DMRTA1: variants seen among roughly 807,000 people sequenced by gnomAD.
DMRTA1 encodes the protein doublesex- and mab-3-related transcription factor A1.
Under a neutral mutation model 35.2 loss-of-function variants are expected in DMRTA1, and 34 were observed. That is an observed-to-expected ratio of 0.97 (90% CI 0.74 to 1.29). The LOEUF is 1.29. Ranked by LOEUF, DMRTA1 falls within the 50% of genes most tolerant of loss-of-function variation. The pLI is 0.00. For missense variants in DMRTA1, 824 were observed against 644.6 expected, an observed-to-expected ratio of 1.28 and a Z score of -3.01; for synonymous variants, 344 against 276.6, an observed-to-expected ratio of 1.24 and a Z score of -2.42.
In DMRTA1 at chr9:22,452,242, G is replaced by T; in HGVS notation, c.*331G>T. 1 of 191,390 alleles carries T rather than the reference G, an allele frequency of 5.2e-6. No individual in the cohort carries two copies. 11.9% of individuals were successfully genotyped at this position (191,390 alleles called of 1,614,324 possible). A position where few individuals can be genotyped will look rare whatever the true frequency, so the allele number is the denominator to read the frequency against. On this transcript the variant is annotated 3_prime_UTR_variant, in exon 2 of 2. Transcript: ENST00000325870. The stretch of plus-strand genomic sequence containing the variant: ...CTAGTTTTTATTTTATTGAAAAGTG[G>T]AATTTTTAGTGATAAAATACATTTG...
At chr9:22,450,996 T>G in intron 1 of DMRTA1, 68 bp from the exon 2 acceptor site, 1 of 1,466,226 alleles carries the variant, frequency 6.8e-7, no homozygotes, top group Non-Finnish European at 9.1e-7. Flanking sequence ...GCATTATTTT[T>G]GAGTGAGCAG....
In DMRTA1 at chr9:22,452,038, C is replaced by T; in HGVS notation, c.*127C>T. On this transcript the variant is annotated 3_prime_UTR_variant, in exon 2 of 2. Coordinates refer to ENST00000325870, the MANE Select transcript of DMRTA1 (RefSeq NM_022160.3). ...GAGTGGATTATGAGGTCTTAAAATG[C>T]TGGGTTTTTTTTTTTTCAAGCAATA... 9.8e-7 allele frequency: 1 copy of T among 1,023,622 alleles called. No individual in the cohort carries two copies. 63.4% of individuals were successfully genotyped at this position (1,023,622 alleles called of 1,614,324 possible).
In DMRTA1 at chr9:22,452,161, A is replaced by C. The variant is rs1818941887; in HGVS notation, c.*250A>C. 1 of 312,756 alleles carries C rather than the reference A, an allele frequency of 3.2e-6. No individual in the cohort carries two copies. The allele number at this position is 312,756 out of a possible 1,614,324, so 19.4% of individuals were successfully genotyped here. A position where few individuals can be genotyped will look rare whatever the true frequency, so the allele number is the denominator to read the frequency against. On this transcript the variant is annotated 3_prime_UTR_variant, in exon 2 of 2. Transcript: ENST00000325870. ...TGCCTTGAATAAAGCTATTTCAGGA[A>C]ATATTTAATGAATTTTCTCCCTAAA...
At position 22,451,451 on chromosome 9, in the gene DMRTA1, G is replaced by A. The variant is rs1818926367; in HGVS notation, c.1055G>A (p.Cys352Tyr). 1.2e-6 allele frequency: 2 copies of A among 1,614,062 alleles called. No homozygotes were observed. Among genetic ancestry groups the A allele is most frequent in the African/African-American group, 2.7e-5 (2 of 74,924 alleles). Residue 352 changes from cysteine (C) to tyrosine (Y), a missense_variant, in exon 2 of 2, where the codon TGC (cysteine) becomes TAC (tyrosine). Physicochemically the swap from Cys to Tyr is radical, Grantham distance 194 (BLOSUM62 -2). Transcript: ENST00000325870. ...CGGCTAGAAGGCATTCTACGGTTCT[G>A]CAAAGGGGATGTGGTCCAAGCCATT... is the stretch of plus-strand genomic sequence containing the variant. Reference protein sequence around the residue: ...RSRLEGILRFCKGDVVQAIEQ... With the variant: ...RSRLEGILRFYKGDVVQAIEQ...
chr9:22,451,872 T>C lies in DMRTA1; in HGVS notation c.1476T>C (p.Cys492=). The C allele has an allele frequency of 6.2e-7, 1 of 1,613,972 alleles. No homozygotes were observed. Residue 492 remains cysteine (C), a synonymous_variant, in exon 2 of 2, where the codon TGT becomes TGC. Transcript: ENST00000325870. ...TTTCCAGTAAAGACTCAATAACTTG[T>C]GGCAGACTGTACTTCAGACCAAATC... is the stretch of plus-strand genomic sequence containing the variant. The part of the protein sequence containing the change: ...SYLSSKDSIT[C]GRLYFRPNQD...
In DMRTA1 at chr9:22,447,573, G is replaced by A. The variant is rs1470336310; in HGVS notation, c.508G>A (p.Gly170Ser). 6.3e-7 allele frequency: 1 copy of A among 1,599,602 alleles called. No individual in the cohort carries two copies. Among genetic ancestry groups the A allele is most frequent in the African/African-American group, 1.3e-5 (1 of 74,514 alleles). Residue 170 changes from glycine to serine, a missense_variant, in exon 1 of 2, where the codon GGT (glycine) becomes AGT (serine). By Grantham distance (56) the Gly-to-Ser change is moderately conservative. Coordinates refer to ENST00000325870, the MANE Select transcript of DMRTA1 (RefSeq NM_022160.3). ...CTCGGGGCTCTCCTGGCCCCCCGGT[G>A]GTCGGGCATCCGGGGGCGGCGGCAG... ...LCSGLSWPPG[G>S]RASGGGGRAE...
rs1818919855 is a variant in DMRTA1, at chr9:22,451,187, G to T, written c.791G>T (p.Gly264Val). The change falls in exon 2 of 2, where the codon GGG becomes GTG. Residue 264 changes from glycine to valine, a missense_variant. Coordinates refer to ENST00000325870, the MANE Select transcript of DMRTA1 (RefSeq NM_022160.3). ...GGTGTCATTGGGAAACAAAGTATCG[G>T]GTCATCTATTTCAGAATACTCCAAC... ...SNGVIGKQSI[G>V]SSISEYSNKP... The T allele has an allele frequency of 6.2e-7, 1 of 1,613,910 alleles. No individual in the cohort carries two copies. Among genetic ancestry groups the T allele is most frequent in the Non-Finnish European group, 8.5e-7 (1 of 1,179,976 alleles).
At position 22,455,338 on chromosome 9, in the gene DMRTA1, T is replaced by C. The variant is rs1163190727; in HGVS notation, c.*3427T>C. 2.0e-5 allele frequency: 3 copies of C among 152,184 alleles called. No homozygotes were observed. Among genetic ancestry groups the C allele is most frequent in the Admixed American group, 6.5e-5 (1 of 15,278 alleles). The allele number at this position is 152,184 out of a possible 1,614,324, so 9.4% of individuals were successfully genotyped here. On this transcript the variant is annotated 3_prime_UTR_variant, in exon 2 of 2. Transcript: ENST00000325870. Reference sequence around the variant, plus strand: ...TATCTATATGACTTGGACAGGTTACTTATACTCTTTGGACATTTATTTCTT... The same window carrying C: ...TATCTATATGACTTGGACAGGTTACCTATACTCTTTGGACATTTATTTCTT...
rs762476905 is a variant in DMRTA1, at chr9:22,451,762, C to G, written c.1366C>G (p.Leu456Val). ...GTTATCTGGTTTTATGTCACCCTACCTAACACCTGGGTTAGTACCAACCTT... is the reference window on the plus strand; with the variant it reads ...GTTATCTGGTTTTATGTCACCCTACGTAACACCTGGGTTAGTACCAACCTT... Reference protein sequence around the residue: ...RGLSGFMSPYLTPGLVPTLPF... With the variant: ...RGLSGFMSPYVTPGLVPTLPF... Residue 456 changes from leucine to valine, a missense_variant, in exon 2 of 2, where the codon CTA (leucine) becomes GTA (valine). Physicochemically the swap from Leu to Val is conservative, Grantham distance 32. Coordinates refer to ENST00000325870, the MANE Select transcript of DMRTA1 (RefSeq NM_022160.3). 11 of 1,614,084 alleles carry G rather than the reference C, an allele frequency of 6.8e-6. No homozygotes were observed. Among genetic ancestry groups the G allele is most frequent in the Non-Finnish European group, 8.5e-6 (10 of 1,179,926 alleles).
In DMRTA1 at chr9:22,452,055, C is replaced by A; in HGVS notation, c.*144C>A. 4 of 744,828 alleles carry A rather than the reference C, an allele frequency of 5.4e-6. No homozygotes were observed. Among genetic ancestry groups the A allele is most frequent in the Non-Finnish European group, 8.1e-6 (4 of 493,316 alleles). The allele number at this position is 744,828 out of a possible 1,614,324, so 46.1% of individuals were successfully genotyped here. ...TTAAAATGCTGGGTTTTTTTTTTTT[C>A]AAGCAATATAATAGGTCTTAGATCT... On this transcript the variant is annotated 3_prime_UTR_variant, in exon 2 of 2. Transcript: ENST00000325870.
rs1003330519 is a variant in DMRTA1 at position 22,447,042 on chromosome 9, C to G, written c.-24C>G. 1 of 1,600,148 alleles carries G rather than the reference C, an allele frequency of 6.2e-7. No homozygotes were observed. Among genetic ancestry groups the G allele is most frequent in the Non-Finnish European group, 8.5e-7 (1 of 1,174,254 alleles). On this transcript the variant is annotated 5_prime_UTR_variant, in exon 1 of 2. Coordinates refer to ENST00000325870, the MANE Select transcript of DMRTA1 (RefSeq NM_022160.3). ...CGGTCAGCGCACTTTCCACTTGGGA[C>G]TCCCGGCCAGAAATTTCTCGGGAAT...
In DMRTA1 at chr9:22,452,368, C is replaced by G. The variant is rs1189077604; in HGVS notation, c.*457C>G. The G allele has an allele frequency of 6.5e-6, 1 of 152,674 alleles. No individual in the cohort carries two copies. The highest frequency in any genetic ancestry group is 2.4e-5 in the African/African-American group (1 of 41,454). The allele number at this position is 152,674 out of a possible 1,614,324, so 9.5% of individuals were successfully genotyped here. ...AATAATTACCATTTCAAAACTGTTT[C>G]TTCTATTCCTGGTTCATAGGAAAGA... is the stretch of plus-strand genomic sequence containing the variant. On this transcript the variant is annotated 3_prime_UTR_variant, in exon 2 of 2. Transcript: ENST00000325870.
At position 22,447,080 on chromosome 9, in the gene DMRTA1, G is replaced by T. The variant is rs755146229; in HGVS notation, c.15G>T (p.Gln5His). The change falls in exon 1 of 2, where the codon CAG (glutamine) becomes CAT (histidine). Residue 5 changes from glutamine (Q) to histidine (H), a missense_variant. Transcript: ENST00000325870. MERS[Q>H]CGSRDRGVSG... ...ATTTCTCGGGAATGGAGCGGTCACA[G>T]TGTGGCAGCAGAGACCGAGGCGTTA... The T allele has an allele frequency of 8.7e-6, 14 of 1,609,480 alleles. 1 individual carries two copies. In the South Asian group the frequency reaches 1.5e-4, roughly 18 times the overall value.
Position 22,451,953 on chromosome 9 carries a change from C to G in DMRTA1, c.*42C>G. On this transcript the variant is annotated 3_prime_UTR_variant, in exon 2 of 2. Transcript: ENST00000325870. ...CTCTTTCTGGAGTTTTTCCAGCATACAATACATGCACGTGCACACACATAC... is the reference window on the plus strand; with the variant it reads ...CTCTTTCTGGAGTTTTTCCAGCATAGAATACATGCACGTGCACACACATAC... 1 of 1,601,064 alleles carries G rather than the reference C, an allele frequency of 6.2e-7. No individual in the cohort carries two copies.
rs1413093718 is a variant in DMRTA1 at position 22,451,968 on chromosome 9, C to T, written c.*57C>T. 1 of 1,551,768 alleles carries T rather than the reference C, an allele frequency of 6.4e-7. No individual in the cohort carries two copies. Among genetic ancestry groups the T allele is most frequent in the Non-Finnish European group, 8.8e-7 (1 of 1,141,572 alleles). ...TTCCAGCATACAATACATGCACGTGCACACACATACACACACATCCATTAA... is the reference window on the plus strand; with the variant it reads ...TTCCAGCATACAATACATGCACGTGTACACACATACACACACATCCATTAA... On this transcript the variant is annotated 3_prime_UTR_variant, in exon 2 of 2. Coordinates refer to ENST00000325870, the MANE Select transcript of DMRTA1 (RefSeq NM_022160.3).
rs1283748585 is a variant in DMRTA1 at position 22,454,205 on chromosome 9, G to A, written c.*2294G>A. Reference sequence around the variant, plus strand: ...GTAGGGTTTTTTCTCCCTAAGGTTAGTAATATGAGTCATCTGCAGTGGAAT... The same window carrying A: ...GTAGGGTTTTTTCTCCCTAAGGTTAATAATATGAGTCATCTGCAGTGGAAT... On this transcript the variant is annotated 3_prime_UTR_variant, in exon 2 of 2. Transcript: ENST00000325870. 6.6e-6 allele frequency: 1 copy of A among 151,906 alleles called. No individual in the cohort carries two copies. The highest frequency in any genetic ancestry group is 2.4e-5 in the African/African-American group (1 of 41,362). 9.4% of individuals were successfully genotyped at this position (151,906 alleles called of 1,614,324 possible).
chr9:22,450,681 G>A (rs140152297), intron 1 of DMRTA1, among the ~76,000 whole-genome samples: 2 of 152,070 alleles, frequency 1.3e-5, no homozygotes, highest in African/African-American at 4.8e-5. Flanking sequence ...ATATCACTTA[G>A]ATAACAACAA....
In DMRTA1 at chr9:22,452,225, T is replaced by C. The variant is rs2117964758; in HGVS notation, c.*314T>C. The C allele has an allele frequency of 4.6e-6, 1 of 216,786 alleles. No individual in the cohort carries two copies. Among genetic ancestry groups the C allele is most frequent in the Middle Eastern group, 1.9e-3 (1 of 534 alleles). The allele number at this position is 216,786 out of a possible 1,614,324, so 13.4% of individuals were successfully genotyped here. A position where few individuals can be genotyped will look rare whatever the true frequency, so the allele number is the denominator to read the frequency against. ...ACATTTTTATTTTAAAACTAGTTTT[T>C]ATTTTATTGAAAAGTGGAATTTTTA... On this transcript the variant is annotated 3_prime_UTR_variant, in exon 2 of 2. Transcript: ENST00000325870.
chr9:22,452,077 A>T lies in DMRTA1; in HGVS notation c.*166A>T. ...TTTCAAGCAATATAATAGGTCTTAG[A>T]TCTGAAAACTCTTCATTAGGATTTA... is the stretch of plus-strand genomic sequence containing the variant. On this transcript the variant is annotated 3_prime_UTR_variant, in exon 2 of 2. Transcript: ENST00000325870. 1 of 701,052 alleles carries T rather than the reference A, an allele frequency of 1.4e-6. No homozygotes were observed. The highest frequency in any genetic ancestry group is 2.2e-6 in the Non-Finnish European group (1 of 457,490). The allele number at this position is 701,052 out of a possible 1,614,324, so 43.4% of individuals were successfully genotyped here. A position where few individuals can be genotyped will look rare whatever the true frequency, so the allele number is the denominator to read the frequency against.
Sources: allele counts gnomAD v4.1 joint callset (sites outside exome capture counted in the v4.1 genomes callset), GRCh38; gene constraint gnomAD v4.1.1; transcripts MANE v1.5; gene names NCBI Gene and HGNC (gene_info 2026-07-23, HGNC 2026-07-21).